VPS13B: variants seen among roughly 807,000 people sequenced by gnomAD.
VPS13B encodes the protein vacuolar protein sorting 13 homolog B, also known as intermembrane lipid transfer protein VPS13B.
Under a neutral mutation model 426.4 loss-of-function variants are expected in VPS13B, and 285 were observed. The ratio of observed to expected loss-of-function variants is 0.67; its 90% CI spans 0.61 to 0.74. VPS13B has a LOEUF of 0.74. Ranked by LOEUF, VPS13B falls within the 30% of genes least tolerant of loss-of-function variation. The probability of loss-of-function intolerance (pLI) is 0.00; values close to 1 mark genes in which losing one functional copy is unlikely to be tolerated. For synonymous variants in VPS13B, 1,676 were observed against 1,676.4 expected, an observed-to-expected ratio of 1.00 and a Z score of 0.01; for missense variants, 4,537 against 4,782.6, an observed-to-expected ratio of 0.95 and a Z score of 1.51.
chr8:99,480,461 TC>T (rs1169112997), intron 24 of VPS13B, among the ~76,000 whole-genome samples: 1 of 152,134 alleles, frequency 6.6e-6, no homozygotes, highest in Non-Finnish European at 1.5e-5. Context: ...ATTTATCAGT[TC>T]TAATTATTTA....
intron 2 of VPS13B, among the ~76,000 whole-genome samples, chr8:99,026,899 C>T (rs568290243): frequency 1.3e-5 from 2 of 152,056 alleles, no homozygotes; most frequent in South Asian, 2.1e-4. Context: ...CGCTCCGAGA[C>T]GGAGTCTCAC....
intron 3 of VPS13B, among the ~76,000 whole-genome samples, chr8:99,085,007 C>A (rs1266604117): frequency 8.3e-5 from 4 of 48,214 alleles, no homozygotes; most frequent in Non-Finnish European, 1.9e-4. Flanking sequence ...CCTGGATATC[C>A]TTGTTAATTT....
Position 99,018,957 on chromosome 8 carries a change from A to C in VPS13B, c.147+5022A>C, listed in dbSNP as rs537234261. On this transcript the variant is annotated intron_variant, in intron 2 of 61. Transcript: ENST00000357162. ...TATTATCTTTTTTACATATTGTTGG[A>C]TTCAATTTGTTAAATTTTGATTGAT... Among the ~76,000 whole-genome samples the C allele has an allele frequency of 2.6e-5, 4 of 152,204 alleles. No homozygotes were observed. In the East Asian group the frequency reaches 7.7e-4, roughly 29 times the overall value.
intron 19 of VPS13B, among the ~76,000 whole-genome samples, chr8:99,276,303 A>G (rs1462999647): frequency 1.3e-5 from 2 of 152,176 alleles, no homozygotes; most frequent in African/African-American, 4.8e-5. Context: ...GCTGTCTGTC[A>G]GCATGCTTCA....
At chr8:99,587,481 C>T (rs1487937133) in intron 33 of VPS13B, among the ~76,000 whole-genome samples, 2 of 151,702 alleles carry the variant, frequency 1.3e-5, no homozygotes, top group African/African-American at 2.4e-5. Context: ...CTCCCCAGCA[C>T]CTGTTGTTTC....
At chr8:99,375,744 C>T (rs1813448955) in intron 19 of VPS13B, among the ~76,000 whole-genome samples, 1 of 152,184 alleles carries the variant, frequency 6.6e-6, no homozygotes. Context: ...TAGAGTAGCA[C>T]ATAATTTCTT....
rs921261150 is a variant in VPS13B, at chr8:99,329,698, G to C, written c.2824+54444G>C. ...CATTCTCAGTGAACTTTATCTTTCT[G>C]TTTTTCCTACAAATATATTTCCTCT... On this transcript the variant is annotated intron_variant, in intron 19 of 61. Transcript: ENST00000357162. Among the ~76,000 whole-genome samples, 4 of 152,006 alleles carry C rather than the reference G, an allele frequency of 2.6e-5. No individual in the cohort carries two copies. In the East Asian group the frequency reaches 5.8e-4, roughly 22 times the overall value.
chr8:99,618,675 G>A (rs1488203813), intron 33 of VPS13B, among the ~76,000 whole-genome samples: 1 of 152,174 alleles, frequency 6.6e-6, no homozygotes, highest in Non-Finnish European at 1.5e-5. Context: ...GAATTCCACA[G>A]ATTATCTGGT....
chr8:99,211,358 C>T (rs957141621), intron 17 of VPS13B, among the ~76,000 whole-genome samples: 1 of 152,056 alleles, frequency 6.6e-6, no homozygotes, highest in African/African-American at 2.4e-5. Flanking sequence ...AGGCTTCCAC[C>T]CGGTAATAGT....
chr8:99,821,037 T>C (rs1814327795), intron 49 of VPS13B, among the ~76,000 whole-genome samples: 1 of 138,706 alleles, frequency 7.2e-6, no homozygotes. Context: ...TAAATACGAA[T>C]TCCATTGTGA....
At chr8:99,431,850 G>A (rs1489622637) in intron 22 of VPS13B, among the ~76,000 whole-genome samples, 186 bp downstream of exon 22, 1 of 151,952 alleles carries the variant, frequency 6.6e-6, no homozygotes, top group Non-Finnish European at 1.5e-5. Context: ...AAACTCATAT[G>A]AACTTCCTTA....
chr8:99,420,497 C>T (rs965547443), intron 21 of VPS13B, among the ~76,000 whole-genome samples: 27 of 152,130 alleles, frequency 1.8e-4, no homozygotes, highest in African/African-American at 5.6e-4. Context: ...TAATTTAATG[C>T]TGTGGCTTGG....
intron 19 of VPS13B, among the ~76,000 whole-genome samples, chr8:99,345,061 T>A (rs1811464575): frequency 1.3e-5 from 2 of 152,208 alleles, no homozygotes; most frequent in African/African-American, 4.8e-5. Flanking sequence ...ATCAATTTTT[T>A]TCCTTGTATG....
At chr8:99,326,452 C>CTTTTTTTTTT (rs747097247) in intron 19 of VPS13B, among the ~76,000 whole-genome samples, 1,917 of 32,518 alleles carry the variant, frequency 0.059, 721 homozygotes, top group South Asian at 0.079. Context: ...CTCTAGGTAG[C>CTTTTTTTTTT]TTTTTTTTTT....
At chr8:99,132,753 C>T (rs773980511) in intron 8 of VPS13B, among the ~76,000 whole-genome samples, 14 of 152,120 alleles carry the variant, frequency 9.2e-5, no homozygotes, top group Non-Finnish European at 1.9e-4. Context: ...TTGTATGTCT[C>T]CATCAGAGGT....
At chr8:99,803,624 A>G (rs1193307439) in intron 43 of VPS13B, among the ~76,000 whole-genome samples, 3 of 152,190 alleles carry the variant, frequency 2.0e-5, no homozygotes, top group Non-Finnish European at 4.4e-5. Context: ...TTGAATTGAC[A>G]CCAAGCATTA....
intron 31 of VPS13B, among the ~76,000 whole-genome samples, chr8:99,568,219 G>A (rs1825280408): frequency 6.6e-6 from 1 of 151,748 alleles, no homozygotes; most frequent in Non-Finnish European, 1.5e-5. Context: ...GCATTTGAAA[G>A]TCATTGGATA....
At chr8:99,487,005 T>C (rs1470518321) in intron 25 of VPS13B, among the ~76,000 whole-genome samples, 2 of 151,454 alleles carry the variant, frequency 1.3e-5, no homozygotes, top group Non-Finnish European at 2.9e-5. Context: ...CCAGTAGGCT[T>C]AAAGGGCAGG....
intron 22 of VPS13B, among the ~76,000 whole-genome samples, chr8:99,440,439 C>T (rs1055006631): frequency 3.9e-5 from 6 of 151,936 alleles, no homozygotes; most frequent in African/African-American, 1.4e-4. Flanking sequence ...ATAAATCACT[C>T]AACATTTTAC....
Sources: gnomAD v4.1 joint callset for allele counts (sites outside exome capture counted in the v4.1 genomes callset) on GRCh38, gnomAD v4.1.1 for gene constraint, MANE v1.5 for transcripts, NCBI Gene and HGNC (gene_info 2026-07-23, HGNC 2026-07-21) for gene names.